Variants in HTR4 observed in about 807,000 individuals in gnomAD.
HTR4 encodes 5-hydroxytryptamine receptor 4.
A neutral mutation model predicts 36.8 loss-of-function variants in HTR4; 16 were observed. That is an observed-to-expected ratio of 0.43 (90% CI 0.29 to 0.66). The LOEUF is 0.66. Among genes scored for constraint, HTR4 ranks in the 30% least tolerant of loss-of-function variants. HTR4 has a pLI of 0.13. For missense variants in HTR4, 438 were observed against 490.9 expected, an observed-to-expected ratio of 0.89 and a Z score of 1.02; for synonymous variants, 189 against 185.1, an observed-to-expected ratio of 1.02 and a Z score of -0.17.
At chr5:148,459,775 C>A (rs991184794) in intron 5 of HTR4, among the ~76,000 whole-genome samples, 4 of 151,960 alleles carry the variant, frequency 2.6e-5, no homozygotes, top group African/African-American at 7.2e-5. Flanking sequence ...ACAAAAAAAA[C>A]CACACAGTTG....
At chr5:148,493,024 G>A (rs185030534) in intron 6 of HTR4, among the ~76,000 whole-genome samples, 156 of 152,326 alleles carry the variant, frequency 1.0e-3, no homozygotes, top group African/African-American at 3.6e-3. Flanking sequence ...AGAAGCTTAG[G>A]CCACCCGATT....
At chr5:148,455,113 T>C (rs893918716) in intron 5 of HTR4, among the ~76,000 whole-genome samples, 20 of 152,226 alleles carry the variant, frequency 1.3e-4, no homozygotes, top group African/African-American at 4.3e-4. Context: ...ATTTCATGTA[T>C]ACAATTTACT....
intron 2 of HTR4, among the ~76,000 whole-genome samples, chr5:148,620,253 C>G (rs945745603): frequency 5.3e-5 from 8 of 152,228 alleles, no homozygotes; most frequent in African/African-American, 1.9e-4. Flanking sequence ...TGCCAAGAAA[C>G]TGATCAGTCT....
intron 6 of HTR4, among the ~76,000 whole-genome samples, chr5:148,506,734 A>T (rs1280828216): frequency 5.9e-5 from 9 of 152,260 alleles, no homozygotes; most frequent in Admixed American, 5.9e-4. Context: ...GACACTTCTC[A>T]AAAGAAGACA....
intron 2 of HTR4, among the ~76,000 whole-genome samples, chr5:148,565,468 G>C (rs1012541002): frequency 3.3e-5 from 5 of 152,104 alleles, no homozygotes; most frequent in African/African-American, 7.2e-5. Flanking sequence ...AAGAAATAAA[G>C]GTGCTGAAAC....
chr5:148,460,581 G>C (rs1437750102), intron 5 of HTR4, among the ~76,000 whole-genome samples: 2 of 151,954 alleles, frequency 1.3e-5, no homozygotes, highest in Non-Finnish European at 2.9e-5. Flanking sequence ...AACTTTCTGG[G>C]ACAAAAAGAA....
chr5:148,469,916 C>T (rs1255947237), intron 5 of HTR4, among the ~76,000 whole-genome samples: 1 of 152,238 alleles, frequency 6.6e-6, no homozygotes, highest in Non-Finnish European at 1.5e-5. Flanking sequence ...GGCTCAGTAT[C>T]TAACTCTTCA....
chr5:148,584,001 T>C (rs998443174), intron 2 of HTR4, among the ~76,000 whole-genome samples: 12 of 152,308 alleles, frequency 7.9e-5, no homozygotes, highest in African/African-American at 2.9e-4. Context: ...TTATACAGAT[T>C]ACTTCATCTA....
intron 5 of HTR4, among the ~76,000 whole-genome samples, chr5:148,464,453 C>T (rs1241802619): frequency 1.3e-5 from 2 of 152,184 alleles, no homozygotes; most frequent in East Asian, 3.9e-4. Flanking sequence ...GACATCTCAT[C>T]AAAGAAGATA....
intron 6 of HTR4, among the ~76,000 whole-genome samples, chr5:148,491,900 A>G (rs749611440): frequency 2.7e-4 from 41 of 152,256 alleles, no homozygotes; most frequent in Non-Finnish European, 4.6e-4. Context: ...CCTAAAATAA[A>G]TGGATTTCTG....
At chr5:148,570,255 C>T (rs1760620755) in intron 2 of HTR4, among the ~76,000 whole-genome samples, 1 of 152,074 alleles carries the variant, frequency 6.6e-6, no homozygotes, top group Non-Finnish European at 1.5e-5. Flanking sequence ...TAGATGCACT[C>T]AACAGAGTAT....
chr5:148,589,398 T>C (rs1420448668), intron 2 of HTR4, among the ~76,000 whole-genome samples: 1 of 152,220 alleles, frequency 6.6e-6, no homozygotes, highest in Non-Finnish European at 1.5e-5. Context: ...TATAAAGTTT[T>C]GCCAATATGA....
chr5:148,625,367 C>A (rs1753062483), intron 2 of HTR4, among the ~76,000 whole-genome samples: 1 of 152,152 alleles, frequency 6.6e-6, no homozygotes. Flanking sequence ...AGTAAAACCT[C>A]ATCAGTTCAA....
rs927684683 is a variant in HTR4 at position 148,557,899 on chromosome 5, C to T, written c.27-7637G>A. On this transcript the variant is annotated intron_variant, in intron 2 of 6. Transcript: ENST00000377888. The stretch of plus-strand genomic sequence containing the variant: ...GCAGGGAAACTAGAGTACTTTTTCT[C>T]TTTATATTTTTATGTATCGAACTTT... Among the ~76,000 whole-genome samples the T allele has an allele frequency of 7.9e-5, 12 of 151,410 alleles. No individual in the cohort carries two copies. In the East Asian group the frequency reaches 2.1e-3, roughly 27 times the overall value.
chr5:148,550,831 A>G (rs953275422), intron 2 of HTR4, among the ~76,000 whole-genome samples: 3 of 152,176 alleles, frequency 2.0e-5, no homozygotes, highest in African/African-American at 7.2e-5. Flanking sequence ...GGCATGATCC[A>G]CGATCCAATC....
chr5:148,506,827 C>A lies in HTR4; in HGVS notation c.1076+2629G>T, dbSNP rs571466148. Among the ~76,000 whole-genome samples the A allele has an allele frequency of 3.2e-3, 493 of 152,264 alleles. 1 individual carries two copies. The highest frequency in any genetic ancestry group is 5.3e-3 in the Non-Finnish European group (361 of 68,014). On this transcript the variant is annotated intron_variant, in intron 6 of 6. Coordinates refer to ENST00000377888, the MANE Select transcript of HTR4 (RefSeq NM_000870.7). ...TGCAAATCAAAACCACAATGAGATACCATCTCACACCAGTTAGAATGGCAA... is the reference window on the plus strand; with the variant it reads ...TGCAAATCAAAACCACAATGAGATAACATCTCACACCAGTTAGAATGGCAA...
At chr5:148,647,716 T>G (rs1170118197) in intron 1 of HTR4, among the ~76,000 whole-genome samples, 1 of 152,118 alleles carries the variant, frequency 6.6e-6, no homozygotes, top group Non-Finnish European at 1.5e-5. Flanking sequence ...GGGCGTGGTG[T>G]TGCATGCCTG....
At chr5:148,627,605 T>C (rs1753166754) in intron 2 of HTR4, among the ~76,000 whole-genome samples, 1 of 152,220 alleles carries the variant, frequency 6.6e-6, no homozygotes, top group Admixed American at 6.5e-5. Flanking sequence ...CTTTTGAAAT[T>C]AAATGAAGTC....
chr5:148,597,265 C>T lies in HTR4; in HGVS notation c.26+39724G>A, dbSNP rs1017226202. Among the ~76,000 whole-genome samples the T allele has an allele frequency of 7.9e-5, 12 of 152,164 alleles. 1 individual carries two copies. Among genetic ancestry groups the T allele is most frequent in the Admixed American group, 7.2e-4 (11 of 15,268 alleles). On this transcript the variant is annotated intron_variant, in intron 2 of 6. Coordinates refer to ENST00000377888, the MANE Select transcript of HTR4 (RefSeq NM_000870.7). ...AACCTCTTATGTATAGGATGCATGT[C>T]ATATTCATTTCTGATTTATCCACAA...
Sources: allele counts gnomAD v4.1 joint callset (sites outside exome capture counted in the v4.1 genomes callset), GRCh38; gene constraint gnomAD v4.1.1; transcripts MANE v1.5; gene names NCBI Gene and HGNC (gene_info 2026-07-23, HGNC 2026-07-21).